CCDC192: variants seen among roughly 807,000 people sequenced by gnomAD.
CCDC192 encodes the protein coiled-coil domain-containing protein 192.
At chr5:127,750,973 C>G (rs1754125255) in intron 2 of CCDC192, among the ~76,000 whole-genome samples, 1 of 146,996 alleles carries the variant, frequency 6.8e-6, no homozygotes, top group East Asian at 2.0e-4. Flanking sequence ...CTTGGTAGAT[C>G]TTCCTCCATC....
intron 6 of CCDC192, among the ~76,000 whole-genome samples, chr5:127,919,071 ATATGTG>A (rs140102998): frequency 0.04 from 5,283 of 132,346 alleles, 333 homozygotes; most frequent in East Asian, 0.27. Flanking sequence ...GTGTGTGTAT[ATATGTG>A]TGTGTGTGTG....
chr5:127,742,328 A>G (rs904617040), intron 2 of CCDC192, among the ~76,000 whole-genome samples: 2 of 152,160 alleles, frequency 1.3e-5, no homozygotes, highest in African/African-American at 2.4e-5. Context: ...TTTCTTTCCA[A>G]TACCTTTTTC....
At chr5:127,787,586 G>A (rs1756621870) in intron 3 of CCDC192, among the ~76,000 whole-genome samples, 1 of 152,134 alleles carries the variant, frequency 6.6e-6, no homozygotes, top group African/African-American at 2.4e-5. Flanking sequence ...TGTTGTGAGA[G>A]AAGATACTTT....
At chr5:127,728,682 A>G (rs1092417) in intron 2 of CCDC192, among the ~76,000 whole-genome samples, 48,049 of 152,016 alleles carry the variant, frequency 0.32, 8,362 homozygotes, top group Middle Eastern at 0.42. Context: ...ACAGGATCAA[A>G]TTCACACATA....
chr5:127,739,956 T>G (rs1753309360), intron 2 of CCDC192: 1 of 154,178 alleles, frequency 6.5e-6, no homozygotes, highest in African/African-American at 2.4e-5. Context: ...GGCTCCTGCA[T>G]CTCCACATTG....
chr5:127,723,780 C>A lies in CCDC192; in HGVS notation c.114+16020C>A, dbSNP rs573579631. ...GAAGGAAGTCTGACCTCTGGCTGCC[C>A]TCAGTCTCACCAGGCAGATTGCGTA... is the stretch of plus-strand genomic sequence containing the variant. On this transcript the variant is annotated intron_variant, in intron 2 of 6. Transcript: ENST00000514853. Among the ~76,000 whole-genome samples, 6 of 152,242 alleles carry A rather than the reference C, an allele frequency of 3.9e-5. No individual in the cohort carries two copies. The South Asian group carries it at 1.2e-3, about 32-fold the overall frequency.
chr5:127,882,443 C>T (rs1189542377), intron 6 of CCDC192, among the ~76,000 whole-genome samples: 1 of 152,090 alleles, frequency 6.6e-6, no homozygotes, highest in Non-Finnish European at 1.5e-5. Flanking sequence ...CTGTGAAATT[C>T]CTCAGGATCA....
At chr5:127,800,530 A>T (rs563227840) in intron 5 of CCDC192, among the ~76,000 whole-genome samples, 1 of 152,072 alleles carries the variant, frequency 6.6e-6, no homozygotes, top group African/African-American at 2.4e-5. Context: ...AAAGAGTTTG[A>T]TTATGAATGG....
intron 5 of CCDC192, among the ~76,000 whole-genome samples, chr5:127,806,324 A>G (rs1757777885): frequency 6.6e-6 from 1 of 152,138 alleles, no homozygotes; most frequent in East Asian, 1.9e-4. Context: ...CCCCTTTCTG[A>G]TCAGATCTAA....
At chr5:127,788,955 A>G (rs924112864) in intron 3 of CCDC192, among the ~76,000 whole-genome samples, 1 of 152,212 alleles carries the variant, frequency 6.6e-6, no homozygotes, top group African/African-American at 2.4e-5. Context: ...GAAGAGAAGG[A>G]GATAAGAGCT....
At chr5:127,936,251 T>C (rs1754183554) in intron 6 of CCDC192, among the ~76,000 whole-genome samples, 1 of 152,256 alleles carries the variant, frequency 6.6e-6, no homozygotes, top group African/African-American at 2.4e-5. Context: ...TCACCTCTAT[T>C]GTTATCTATT....
At chr5:127,919,075 G>GTGTA (rs1190119277) in intron 6 of CCDC192, among the ~76,000 whole-genome samples, 1 of 123,002 alleles carries the variant, frequency 8.1e-6, no homozygotes, top group African/African-American at 2.8e-5. Context: ...GTGTATATAT[G>GTGTA]TGTGTGTGTG....
intron 2 of CCDC192, among the ~76,000 whole-genome samples, chr5:127,747,314 A>T (rs1753830082): frequency 2.0e-5 from 3 of 148,642 alleles, no homozygotes; most frequent in African/African-American, 2.5e-5. Flanking sequence ...TGTCCATGTG[A>T]TCTCATTGTT....
chr5:127,722,150 G>A (rs1752064084), intron 2 of CCDC192, among the ~76,000 whole-genome samples: 1 of 152,152 alleles, frequency 6.6e-6, no homozygotes, highest in Non-Finnish European at 1.5e-5. Flanking sequence ...TTTGGATAAA[G>A]GCCATTTTAA....
At chr5:127,786,816 G>C in intron 3 of CCDC192, 1 of 553,452 alleles carries the variant, frequency 1.8e-6, no homozygotes, top group Non-Finnish European at 3.4e-6. Context: ...AGCTCCTTCA[G>C]GTGTCTGCCC....
chr5:127,796,227 A>AT (rs1227730246), intron 3 of CCDC192, among the ~76,000 whole-genome samples: 4 of 152,174 alleles, frequency 2.6e-5, no homozygotes, highest in Admixed American at 2.6e-4. Flanking sequence ...TATTTGGTAG[A>AT]TTGTCTTTAA....
At chr5:127,878,014 G>GTGTC (rs758974931) in intron 6 of CCDC192, among the ~76,000 whole-genome samples, 23 of 152,198 alleles carry the variant, frequency 1.5e-4, no homozygotes, top group Non-Finnish European at 3.1e-4. Context: ...AGGAAACACT[G>GTGTC]TGTCACTCAT....
At chr5:127,786,966 G>A in intron 3 of CCDC192, 2 of 382,988 alleles carry the variant, frequency 5.2e-6, no homozygotes, top group Non-Finnish European at 1.0e-5. Context: ...CTGGATGGTG[G>A]CTCTGAGGTC....
chr5:127,844,578 G>A (rs1488104971), intron 5 of CCDC192, among the ~76,000 whole-genome samples: 9 of 152,176 alleles, frequency 5.9e-5, no homozygotes, highest in Non-Finnish European at 1.0e-4. Context: ...TGAGCGACCC[G>A]GTGAATCTTT....
Sources: allele counts gnomAD v4.1 joint callset (sites outside exome capture counted in the v4.1 genomes callset), GRCh38; gene constraint gnomAD v4.1.1; transcripts MANE v1.5; gene names NCBI Gene and HGNC (gene_info 2026-07-23, HGNC 2026-07-21).